The following NRXN1 variants were observed in gnomAD, a reference collection of about 807,000 sequenced individuals.
NRXN1 encodes neurexin 1, also known as neurexin-1.
A neutral mutation model predicts 150.9 loss-of-function variants in NRXN1; 39 were observed. That is an observed-to-expected ratio of 0.26 (90% confidence interval 0.20 to 0.34). NRXN1 has a LOEUF of 0.34. Among genes scored for constraint, NRXN1 ranks in the 10% least tolerant of loss-of-function variants. The probability of loss-of-function intolerance (pLI) is 1.00; values close to 1 mark genes in which losing one functional copy is unlikely to be tolerated. For missense variants in NRXN1, 1,815 were observed against 1,949.9 expected (o/e 0.93, Z 1.30); for synonymous variants, 924 against 757.0 (o/e 1.22, Z -3.62).
At chr2:50,208,569 T>A (rs1484403326) in intron 18 of NRXN1, among the ~76,000 whole-genome samples, 1 of 152,076 alleles carries the variant, frequency 6.6e-6, no homozygotes, top group African/African-American at 2.4e-5. Flanking sequence ...ATTATTTTGA[T>A]TTAGAGAGGA....
chr2:50,932,911 G>A (rs138565202), intron 2 of NRXN1, among the ~76,000 whole-genome samples: 3 of 151,766 alleles, frequency 2.0e-5, no homozygotes, highest in South Asian at 2.1e-4. Context: ...TTTCTTAATT[G>A]CATTTATTTG....
intron 5 of NRXN1, among the ~76,000 whole-genome samples, chr2:50,723,754 G>C (rs1696969183): frequency 6.6e-6 from 1 of 152,158 alleles, no homozygotes; most frequent in Non-Finnish European, 1.5e-5. Flanking sequence ...CGTGGTCAGG[G>C]TACCAACAGG....
At chr2:49,947,636 A>G (rs184313423) in intron 21 of NRXN1, among the ~76,000 whole-genome samples, 1 of 149,862 alleles carries the variant, frequency 6.7e-6, no homozygotes, top group Admixed American at 6.7e-5. Flanking sequence ...TGCTGGGATT[A>G]CAGGAATGAG....
intron 21 of NRXN1, among the ~76,000 whole-genome samples, chr2:50,046,725 T>C (rs1691859618): frequency 6.6e-6 from 1 of 152,064 alleles, no homozygotes. Flanking sequence ...AATGCTGGGA[T>C]ATAGGTGGGC....
chr2:50,066,207 C>T (rs193015895), intron 19 of NRXN1, among the ~76,000 whole-genome samples: 1 of 152,206 alleles, frequency 6.6e-6, no homozygotes, highest in African/African-American at 2.4e-5. Flanking sequence ...AAGCAGTGCC[C>T]ATGTACTCTG....
At chr2:50,309,942 G>C (rs183412078) in intron 17 of NRXN1, among the ~76,000 whole-genome samples, 3 of 152,230 alleles carry the variant, frequency 2.0e-5, no homozygotes, top group Non-Finnish European at 4.4e-5. Flanking sequence ...CAGCTTCTTG[G>C]AATGGACCCT....
At chr2:50,668,930 T>C (rs1042372925) in intron 5 of NRXN1, among the ~76,000 whole-genome samples, 3 of 151,974 alleles carry the variant, frequency 2.0e-5, no homozygotes, top group African/African-American at 7.2e-5. Flanking sequence ...ACAAAAAGCA[T>C]AGGCTGTTTT....
intron 8 of NRXN1, chr2:50,554,501 T>G (rs1020375037): frequency 6.6e-6 from 1 of 152,138 alleles, no homozygotes; most frequent in Non-Finnish European, 1.5e-5. Context: ...GAAAGGAAAA[T>G]AATACTTCAC....
intron 18 of NRXN1, among the ~76,000 whole-genome samples, chr2:50,110,959 TA>T (rs1279539699): frequency 1.3e-5 from 2 of 152,226 alleles, no homozygotes; most frequent in African/African-American, 4.8e-5. Flanking sequence ...CTTTCAGACT[TA>T]TGACTTAATC....
At chr2:50,222,831 C>T (rs1258224459) in intron 18 of NRXN1, among the ~76,000 whole-genome samples, 2 of 151,758 alleles carry the variant, frequency 1.3e-5, no homozygotes, top group African/African-American at 2.4e-5. Context: ...AATCCTTGTA[C>T]CTATACTATA....
chr2:50,741,271 T>C (rs1322220145), intron 5 of NRXN1, among the ~76,000 whole-genome samples: 1 of 152,154 alleles, frequency 6.6e-6, no homozygotes, highest in African/African-American at 2.4e-5. Context: ...TATTAATAAA[T>C]ATCTATTTCT....
chr2:50,939,885 T>C (rs1366838997), intron 2 of NRXN1, among the ~76,000 whole-genome samples: 2 of 152,140 alleles, frequency 1.3e-5, no homozygotes, highest in African/African-American at 2.4e-5. Context: ...AACTGAGACA[T>C]GCAGAAACAA....
chr2:50,619,925 CT>C lies in NRXN1; in HGVS notation c.1320+96del, dbSNP rs1679694749. The C allele has an allele frequency of 2.6e-6, 3 of 1,136,830 alleles. No homozygotes were observed. The East Asian group carries it at 7.9e-5, about 30-fold the overall frequency. 70.4% of individuals were successfully genotyped at this position (1,136,830 alleles called of 1,614,324 possible). On this transcript the variant is annotated intron_variant, in intron 8 of 22. Coordinates refer to ENST00000401669, the MANE Select transcript of NRXN1 (RefSeq NM_001330078.2). The stretch of plus-strand genomic sequence containing the variant: ...TTGAATTTAAAGTTGTGCCGTTTGA[CT>C]CTGGAACATCGGGTCTTCAGCAAAG...
intron 5 of NRXN1, chr2:50,739,204 A>T: frequency 4.1e-6 from 2 of 482,592 alleles, no homozygotes; most frequent in Non-Finnish European, 8.3e-6. Flanking sequence ...TTCTGACAGT[A>T]CAGTAGAAAT....
At chr2:50,030,536 T>C (rs1425693203) in intron 21 of NRXN1, among the ~76,000 whole-genome samples, 1 of 152,140 alleles carries the variant, frequency 6.6e-6, no homozygotes, top group Non-Finnish European at 1.5e-5. Context: ...TTCTCCTACA[T>C]CTGCTCTTAA....
intron 9 of NRXN1, among the ~76,000 whole-genome samples, chr2:50,539,896 G>A (rs149980766): frequency 1.1e-3 from 162 of 152,276 alleles, no homozygotes; most frequent in African/African-American, 3.8e-3. Flanking sequence ...GTGTGTGTAG[G>A]GAGACACATT....
At chr2:50,948,600 CTGA>C (rs762326759) in intron 2 of NRXN1, among the ~76,000 whole-genome samples, 11 of 151,938 alleles carry the variant, frequency 7.2e-5, no homozygotes, top group Admixed American at 3.9e-4. Context: ...CATTAGAATT[CTGA>C]TGATTGAGGG....
intron 5 of NRXN1, among the ~76,000 whole-genome samples, chr2:50,885,192 T>C (rs1412026228): frequency 1.3e-5 from 2 of 151,572 alleles, no homozygotes; most frequent in East Asian, 3.9e-4. Flanking sequence ...TGATCCTGAA[T>C]GTGACAGTAT....
chr2:50,603,962 T>C (rs1676689971), intron 8 of NRXN1, among the ~76,000 whole-genome samples: 1 of 152,200 alleles, frequency 6.6e-6, no homozygotes, highest in Non-Finnish European at 1.5e-5. Context: ...CTGAAGCATA[T>C]CTGGTTTGAT....
Sources: gnomAD v4.1 joint callset for allele counts (sites outside exome capture counted in the v4.1 genomes callset) on GRCh38, gnomAD v4.1.1 for gene constraint, MANE v1.5 for transcripts, NCBI Gene and HGNC (gene_info 2026-07-23, HGNC 2026-07-21) for gene names.